The following ATP8A2 variants were observed in gnomAD, a reference collection of about 807,000 sequenced individuals.
ATP8A2 encodes ATPase phospholipid transporting 8A2.
In ATP8A2, 100 loss-of-function variants were observed where a neutral mutation model predicts 165.6. The ratio of observed to expected loss-of-function variants is 0.60; its 90% CI spans 0.51 to 0.71. The LOEUF is 0.71. Ranked by LOEUF, ATP8A2 falls within the 30% of genes least tolerant of loss-of-function variation. The pLI, the probability that ATP8A2 is intolerant of heterozygous loss-of-function variation, is 0.00. For missense variants in ATP8A2, 1,227 were observed against 1,479.5 expected (o/e 0.83, Z 2.80); for synonymous variants, 543 against 548.8 (o/e 0.99, Z 0.15).
At chr13:25,916,568 G>A (rs1279381224) in intron 33 of ATP8A2, among the ~76,000 whole-genome samples, 6 of 152,186 alleles carry the variant, frequency 3.9e-5, no homozygotes, top group Non-Finnish European at 7.3e-5. Flanking sequence ...TAAAGTTATC[G>A]CGTCGGCTGT....
chr13:25,951,300 C>T (rs1483566089), intron 33 of ATP8A2, among the ~76,000 whole-genome samples: 1 of 152,166 alleles, frequency 6.6e-6, no homozygotes, highest in East Asian at 1.9e-4. Context: ...GAATACGATT[C>T]CAAAACTAAA....
intron 33 of ATP8A2, among the ~76,000 whole-genome samples, chr13:25,941,825 T>C (rs79177134): frequency 0.036 from 5,473 of 152,322 alleles, 128 homozygotes; most frequent in Middle Eastern, 0.075. Context: ...AAGTGGCCTA[T>C]TCAAATATTA....
intron 28 of ATP8A2, among the ~76,000 whole-genome samples, chr13:25,834,156 A>G (rs1285876362): frequency 6.6e-6 from 1 of 152,236 alleles, no homozygotes; most frequent in Non-Finnish European, 1.5e-5. Flanking sequence ...CAATTGTATG[A>G]AAACATGCTC....
intron 24 of ATP8A2, 127 bp downstream of exon 24, chr13:25,589,826 C>T (rs888576024): frequency 1.7e-6 from 1 of 582,694 alleles, no homozygotes; most frequent in African/African-American, 1.9e-5. Flanking sequence ...TGTTTATTTT[C>T]TGTTTATATT....
At chr13:25,794,789 T>C (rs1362389015) in intron 27 of ATP8A2, among the ~76,000 whole-genome samples, 2 of 150,292 alleles carry the variant, frequency 1.3e-5, no homozygotes, top group Non-Finnish European at 3.0e-5. Flanking sequence ...TTTATTGATA[T>C]TGAAATTCTG....
chr13:25,651,718 A>C (rs2041817695), intron 24 of ATP8A2, among the ~76,000 whole-genome samples: 2 of 152,258 alleles, frequency 1.3e-5, no homozygotes, highest in South Asian at 4.2e-4. Context: ...TAGGTATGTG[A>C]ATTATACCTG....
At chr13:25,570,134 A>G (rs892272869) in intron 16 of ATP8A2, among the ~76,000 whole-genome samples, 7 of 152,216 alleles carry the variant, frequency 4.6e-5, no homozygotes, top group African/African-American at 7.2e-5. Flanking sequence ...GCTGTTCAAT[A>G]TTAATGAGCA....
At chr13:25,961,730 G>A (rs553872697) in intron 34 of ATP8A2, 67 bp downstream of exon 34, 2 of 1,185,952 alleles carry the variant, frequency 1.7e-6, no homozygotes, top group East Asian at 2.3e-5. Context: ...TCTTTCTCAT[G>A]AGTCCTGCTA....
At chr13:25,807,873 G>C (rs1258260225) in intron 27 of ATP8A2, among the ~76,000 whole-genome samples, 1 of 152,070 alleles carries the variant, frequency 6.6e-6, no homozygotes, top group South Asian at 2.1e-4. Flanking sequence ...AGGAAGAAAG[G>C]AATAAAGGGT....
chr13:25,609,980 ATTTG>A (rs2040637711), intron 24 of ATP8A2, among the ~76,000 whole-genome samples: 1 of 151,204 alleles, frequency 6.6e-6, no homozygotes, highest in East Asian at 1.9e-4. Flanking sequence ...TTTATTGCTG[ATTTG>A]TTTGAGTTCC....
At chr13:25,447,317 G>A (rs2035096161) in intron 1 of ATP8A2, among the ~76,000 whole-genome samples, 1 of 151,936 alleles carries the variant, frequency 6.6e-6, no homozygotes, top group Admixed American at 6.6e-5. Context: ...ATGTTATTTT[G>A]ATATATGCAC....
In ATP8A2 at chr13:25,581,950, T is replaced by A. The variant is rs1300078648; in HGVS notation, c.2139T>A (p.Ile713=). ...CAGGAGACAAACAAGAAACTGCGAT[T>A]AATATAGGTAATTATTTTTACAAAT... is the stretch of plus-strand genomic sequence containing the variant. ...VLTGDKQETA[I]NIGYSCRLVS... The change falls in exon 23 of 37, where the codon ATT becomes ATA. Residue 713 remains isoleucine (I), a synonymous_variant. Transcript: ENST00000381655. 2 of 1,603,220 alleles carry A rather than the reference T, an allele frequency of 1.2e-6. No homozygotes were observed. Among genetic ancestry groups the A allele is most frequent in the Admixed American group, 1.7e-5 (1 of 57,190 alleles).
chr13:25,471,455 AT>A (rs143453542), intron 2 of ATP8A2, among the ~76,000 whole-genome samples: 12,904 of 151,414 alleles, frequency 0.085, 882 homozygotes, highest in African/African-American at 0.19. Flanking sequence ...GGTTCAAGTG[AT>A]TCTCCTGCTT....
chr13:25,743,916 G>C (rs936512796), intron 25 of ATP8A2, among the ~76,000 whole-genome samples: 2 of 152,208 alleles, frequency 1.3e-5, no homozygotes. Flanking sequence ...CTGGGAAAGA[G>C]TATTTCAGAT....
At chr13:25,955,847 C>T (rs1252858002) in intron 33 of ATP8A2, among the ~76,000 whole-genome samples, 1 of 152,180 alleles carries the variant, frequency 6.6e-6, no homozygotes, top group Non-Finnish European at 1.5e-5. Flanking sequence ...GGCCAATATC[C>T]CTGATGAACA....
At chr13:25,955,107 AG>A (rs1205835454) in intron 33 of ATP8A2, among the ~76,000 whole-genome samples, 2 of 152,360 alleles carry the variant, frequency 1.3e-5, no homozygotes, top group East Asian at 1.9e-4. Context: ...CCTTGAAAAA[AG>A]GTTATAGGAA....
chr13:25,652,930 T>C (rs1243642596), intron 24 of ATP8A2, among the ~76,000 whole-genome samples: 2 of 152,226 alleles, frequency 1.3e-5, no homozygotes, highest in Non-Finnish European at 2.9e-5. Context: ...AGATTTCTGC[T>C]GAATCATCCC....
chr13:25,956,233 C>T (rs1955517084), intron 33 of ATP8A2, among the ~76,000 whole-genome samples: 4 of 152,176 alleles, frequency 2.6e-5, no homozygotes, highest in Admixed American at 2.6e-4. Context: ...CCTCTCTCAC[C>T]ACTCCTATTT....
chr13:25,706,718 T>C (rs1237445201), intron 25 of ATP8A2, among the ~76,000 whole-genome samples: 1 of 152,194 alleles, frequency 6.6e-6, no homozygotes, highest in Non-Finnish European at 1.5e-5. Flanking sequence ...CGATTAGTTA[T>C]AAGCCAGCTT....
Sources: gnomAD v4.1 joint callset for allele counts (sites outside exome capture counted in the v4.1 genomes callset) on GRCh38, gnomAD v4.1.1 for gene constraint, MANE v1.5 for transcripts, NCBI Gene and HGNC (gene_info 2026-07-23, HGNC 2026-07-21) for gene names.